NAV2: variants seen among roughly 807,000 people sequenced by gnomAD.
NAV2 encodes neuron navigator 2.
NAV2 carries 54 observed loss-of-function variants against 223.2 expected under a neutral mutation model. The ratio of observed to expected loss-of-function variants is 0.24; its 90% confidence interval spans 0.19 to 0.30. NAV2 has a LOEUF of 0.30. Ranked by LOEUF, NAV2 falls within the 10% of genes least tolerant of loss-of-function variation. NAV2 has a pLI of 1.00. For missense variants in NAV2, 2,806 were observed against 3,147.5 expected (o/e 0.89, Z 2.60); for synonymous variants, 1,279 against 1,239.3 (o/e 1.03, Z -0.67).
intron 1 of NAV2, among the ~76,000 whole-genome samples, chr11:19,606,100 T>G (rs755392933): frequency 2.6e-5 from 4 of 152,194 alleles, no homozygotes; most frequent in Non-Finnish European, 5.9e-5. Context: ...CAGAGGCAGT[T>G]AAGCAGAGAT....
At chr11:19,546,485 T>C (rs1212182357) in intron 1 of NAV2, among the ~76,000 whole-genome samples, 1 of 152,162 alleles carries the variant, frequency 6.6e-6, no homozygotes, top group Non-Finnish European at 1.5e-5. Flanking sequence ...CCACTGCCCC[T>C]TTGCAGAATC....
chr11:19,802,702 C>G (rs1274199982), intron 1 of NAV2, among the ~76,000 whole-genome samples: 1 of 128,416 alleles, frequency 7.8e-6, no homozygotes, highest in African/African-American at 2.9e-5. Flanking sequence ...AGAGTGAGAC[C>G]CTGTCTCTCA....
At chr11:20,110,715 G>A (rs962089709) in intron 36 of NAV2, among the ~76,000 whole-genome samples, 1 of 152,068 alleles carries the variant, frequency 6.6e-6, no homozygotes, top group Non-Finnish European at 1.5e-5. Context: ...GATTTCATTT[G>A]ACAAAAGGAT....
chr11:19,419,951 C>G (rs75925323), intron 1 of NAV2, among the ~76,000 whole-genome samples: 2,798 of 152,262 alleles, frequency 0.018, 45 homozygotes, highest in Non-Finnish European at 0.031. Context: ...GAGCAAAGCC[C>G]TGGGTCAGGG....
At chr11:19,567,625 C>T (rs141106075) in intron 1 of NAV2, among the ~76,000 whole-genome samples, 5 of 152,134 alleles carry the variant, frequency 3.3e-5, no homozygotes, top group Non-Finnish European at 7.3e-5. Context: ...GCCAGGCCCC[C>T]CTTTGTCCCC....
chr11:19,813,228 C>T (rs530145923), intron 1 of NAV2, among the ~76,000 whole-genome samples: 16 of 152,182 alleles, frequency 1.1e-4, no homozygotes, highest in East Asian at 1.9e-4. Context: ...AGGCACCATG[C>T]GACTAAAAGC....
intron 1 of NAV2, among the ~76,000 whole-genome samples, chr11:19,419,900 C>T (rs1850538411): frequency 6.6e-6 from 1 of 152,174 alleles, no homozygotes; most frequent in Non-Finnish European, 1.5e-5. Context: ...TCCTTCCTTG[C>T]CTGCCTTTGG....
intron 6 of NAV2, among the ~76,000 whole-genome samples, chr11:19,928,088 C>A (rs942313157): frequency 2.0e-5 from 3 of 152,124 alleles, no homozygotes; most frequent in Non-Finnish European, 4.4e-5. Context: ...TGGTTGATTA[C>A]GTTTTTCAAA....
intron 1 of NAV2, among the ~76,000 whole-genome samples, chr11:19,394,049 G>C (rs75700431): frequency 0.019 from 2,905 of 152,118 alleles, 92 homozygotes; most frequent in African/African-American, 0.067. Flanking sequence ...GCTTTACTTG[G>C]GGGAGGCAGT....
At chr11:19,406,381 C>T (rs1046043776) in intron 1 of NAV2, among the ~76,000 whole-genome samples, 49 of 152,114 alleles carry the variant, frequency 3.2e-4, no homozygotes, top group African/African-American at 1.1e-3. Context: ...GGGGAAGCAC[C>T]GCGCAGAACG....
intron 1 of NAV2, among the ~76,000 whole-genome samples, chr11:19,622,965 G>A (rs565539797): frequency 2.4e-4 from 36 of 152,262 alleles, no homozygotes; most frequent in African/African-American, 8.2e-4. Context: ...GCCTGGTGGT[G>A]ACAAAATCTC....
At chr11:19,358,518 G>A (rs1041502408) in intron 1 of NAV2, among the ~76,000 whole-genome samples, 1 of 152,182 alleles carries the variant, frequency 6.6e-6, no homozygotes, top group Non-Finnish European at 1.5e-5. Context: ...ACCCAAAGCT[G>A]TATCCATTTC....
At chr11:19,620,079 A>G (rs1437941202) in intron 1 of NAV2, among the ~76,000 whole-genome samples, 3 of 151,926 alleles carry the variant, frequency 2.0e-5, no homozygotes, top group African/African-American at 4.8e-5. Context: ...TAGATGTGTG[A>G]TATTATTTCT....
intron 10 of NAV2, among the ~76,000 whole-genome samples, chr11:19,960,677 A>T (rs912125307): frequency 6.6e-6 from 1 of 151,772 alleles, no homozygotes; most frequent in Non-Finnish European, 1.5e-5. Flanking sequence ...GCAGTGGCAC[A>T]ATCTCAGCTC....
At chr11:19,589,899 G>C (rs575208650) in intron 1 of NAV2, among the ~76,000 whole-genome samples, 112 of 152,324 alleles carry the variant, frequency 7.4e-4, no homozygotes, top group African/African-American at 2.5e-3. Flanking sequence ...AAGCATCCAA[G>C]AGGGCACAGG....
chr11:19,491,953 C>T (rs2042640502), intron 1 of NAV2, among the ~76,000 whole-genome samples: 1 of 120,648 alleles, frequency 8.3e-6, no homozygotes, highest in African/African-American at 3.0e-5. Flanking sequence ...TAGGGAGACT[C>T]AAAGAGAGAG....
chr11:19,596,572 G>A (rs2046211343), intron 1 of NAV2, among the ~76,000 whole-genome samples: 1 of 152,176 alleles, frequency 6.6e-6, no homozygotes, highest in South Asian at 2.1e-4. Flanking sequence ...GGCTGTCTGG[G>A]AGCTTGGCCA....
chr11:19,832,713 T>G, intron 2 of NAV2, 112 bp downstream of exon 2: 1 of 801,854 alleles, frequency 1.2e-6, no homozygotes, highest in Non-Finnish European at 2.1e-6. Context: ...TTCTGTCTCA[T>G]GTCTTGACAA....
At chr11:19,757,865 G>A (rs1012045355) in intron 1 of NAV2, among the ~76,000 whole-genome samples, 5 of 152,128 alleles carry the variant, frequency 3.3e-5, no homozygotes, top group African/African-American at 1.2e-4. Context: ...AGATCAAACA[G>A]CTAATTAATT....
Sources: allele counts gnomAD v4.1 joint callset (sites outside exome capture counted in the v4.1 genomes callset), GRCh38; gene constraint gnomAD v4.1.1; transcripts MANE v1.5; gene names NCBI Gene and HGNC (gene_info 2026-07-23, HGNC 2026-07-21).